The following DCLK1 variants were observed in gnomAD, a reference collection of about 807,000 sequenced individuals.
DCLK1 encodes the protein serine/threonine-protein kinase DCLK1.
DCLK1 carries 16 observed loss-of-function variants against 86.2 expected under a neutral mutation model. That is an observed-to-expected ratio of 0.19 (90% CI 0.13 to 0.28). DCLK1 has a LOEUF of 0.28. Among genes scored for constraint, DCLK1 ranks in the 10% least tolerant of loss-of-function variants. The pLI is 1.00. For missense variants in DCLK1, 590 were observed against 940.2 expected (o/e 0.63, Z 4.87); for synonymous variants, 369 against 370.5 (o/e 1.00, Z 0.05).
intron 4 of DCLK1, among the ~76,000 whole-genome samples, chr13:35,926,864 G>C (rs1336822092): frequency 6.6e-6 from 1 of 152,194 alleles, no homozygotes; most frequent in Non-Finnish European, 1.5e-5. Flanking sequence ...GAGTTGGTGG[G>C]ACCCATGACC....
rs1435091299 is a variant in DCLK1 at position 35,916,760 on chromosome 13, T to G, written c.823+30598A>C. Among the ~76,000 whole-genome samples the G allele has an allele frequency of 2.6e-5, 4 of 152,254 alleles. No homozygotes were observed. In the East Asian group the frequency reaches 5.8e-4, roughly 22 times the overall value. On this transcript the variant is annotated intron_variant, in intron 4 of 16. Transcript: ENST00000360631. The stretch of plus-strand genomic sequence containing the variant: ...GGTGAATATCTATCTATCCCTATCT[T>G]TAAAAAATGCTCATGGGATTGTGAC...
chr13:36,082,978 C>T (rs1435701997), intron 3 of DCLK1, among the ~76,000 whole-genome samples: 1 of 151,384 alleles, frequency 6.6e-6, no homozygotes, highest in African/African-American at 2.4e-5. Flanking sequence ...GGAATGGGCT[C>T]TGTCCACAAA....
chr13:36,118,122 C>T (rs140657110), intron 2 of DCLK1, among the ~76,000 whole-genome samples: 137 of 151,982 alleles, frequency 9.0e-4, no homozygotes, highest in African/African-American at 2.9e-3. Context: ...CATAGACAGA[C>T]GAGTTAGATA....
intron 3 of DCLK1, among the ~76,000 whole-genome samples, chr13:36,089,609 C>T (rs1884743971): frequency 1.3e-5 from 2 of 152,142 alleles, no homozygotes; most frequent in African/African-American, 4.8e-5. Flanking sequence ...CTGGCAAAAG[C>T]ATCTTCTTTT....
At chr13:35,789,577 A>C (rs1376986961) in intron 16 of DCLK1, among the ~76,000 whole-genome samples, 1 of 152,230 alleles carries the variant, frequency 6.6e-6, no homozygotes, top group African/African-American at 2.4e-5. Context: ...TGTCACAATT[A>C]TATGCATGCT....
intron 6 of DCLK1, chr13:35,848,968 C>G: frequency 7.1e-6 from 7 of 985,298 alleles, no homozygotes; most frequent in Non-Finnish European, 8.4e-6. Context: ...CTATTGGAAA[C>G]AGTTTTAAAA....
chr13:35,829,216 C>T (rs1485441886), intron 8 of DCLK1, among the ~76,000 whole-genome samples: 3 of 152,188 alleles, frequency 2.0e-5, no homozygotes, highest in South Asian at 2.1e-4. Flanking sequence ...TTAGTCGTAT[C>T]GCTACCTTTA....
chr13:35,959,111 C>T (rs957959840), intron 3 of DCLK1, among the ~76,000 whole-genome samples: 3 of 152,070 alleles, frequency 2.0e-5, no homozygotes, highest in African/African-American at 4.8e-5. Context: ...TTCTTAATGG[C>T]CTCTTAAAAA....
At chr13:36,070,937 G>A (rs1033827758) in intron 3 of DCLK1, among the ~76,000 whole-genome samples, 4 of 152,044 alleles carry the variant, frequency 2.6e-5, no homozygotes, top group Non-Finnish European at 5.9e-5. Context: ...GAGCCACCGC[G>A]CCCGGCCCCC....
In DCLK1 at chr13:35,837,403, G is replaced by A. The variant is rs1045159637; in HGVS notation, c.1121-1262C>T. Reference sequence around the variant, plus strand: ...CTCTTACCCTGCTAGAAGCCATCTAGGTGGTCTCTAGAATAAAGTGAGGGC... The same window carrying A: ...CTCTTACCCTGCTAGAAGCCATCTAAGTGGTCTCTAGAATAAAGTGAGGGC... On this transcript the variant is annotated intron_variant, in intron 7 of 16. Transcript: ENST00000360631. Among the ~76,000 whole-genome samples the A allele has an allele frequency of 5.9e-5, 9 of 152,200 alleles. No individual in the cohort carries two copies. In the South Asian group the frequency reaches 1.9e-3, roughly 32 times the overall value.
At chr13:36,030,623 A>G (rs918032559) in intron 3 of DCLK1, among the ~76,000 whole-genome samples, 3 of 151,738 alleles carry the variant, frequency 2.0e-5, no homozygotes, top group African/African-American at 7.3e-5. Flanking sequence ...TTTTTAACAC[A>G]CTGAGTCTGG....
intron 2 of DCLK1, among the ~76,000 whole-genome samples, chr13:36,116,247 G>T (rs1278227718): frequency 6.6e-6 from 1 of 152,090 alleles, no homozygotes; most frequent in Non-Finnish European, 1.5e-5. Context: ...ACCGCGACTG[G>T]CCTGTATTTT....
At chr13:36,120,721 A>G (rs184820170) in intron 2 of DCLK1, among the ~76,000 whole-genome samples, 2 of 152,326 alleles carry the variant, frequency 1.3e-5, no homozygotes, top group African/African-American at 4.8e-5. Context: ...ATGGAGAGGC[A>G]ATGCACAGAA....
intron 3 of DCLK1, among the ~76,000 whole-genome samples, chr13:36,042,381 T>G (rs1037091966): frequency 1.3e-5 from 2 of 152,192 alleles, no homozygotes; most frequent in Non-Finnish European, 2.9e-5. Context: ...GTTGAGAAAC[T>G]AGTGGCTAAA....
Position 35,769,457 on chromosome 13 carries a change from A to G in DCLK1, c.*5078T>C, listed in dbSNP as rs2086290592. The G allele has an allele frequency of 6.6e-6, 1 of 152,192 alleles. No individual in the cohort carries two copies. The highest frequency in any genetic ancestry group is 1.9e-4 in the East Asian group (1 of 5,196). 9.4% of individuals were successfully genotyped at this position (152,192 alleles called of 1,614,324 possible). A position where few individuals can be genotyped will look rare whatever the true frequency, so the allele number is the denominator to read the frequency against. On this transcript the variant is annotated 3_prime_UTR_variant, in exon 17 of 17. Coordinates refer to ENST00000360631, the MANE Select transcript of DCLK1 (RefSeq NM_001330071.2). ...GAAAAAGGCTAGTATTAATTTCCTAATAAAATTTTTTTTCAAAAGTTATCG... is the reference window on the plus strand; with the variant it reads ...GAAAAAGGCTAGTATTAATTTCCTAGTAAAATTTTTTTTCAAAAGTTATCG...
intron 3 of DCLK1, among the ~76,000 whole-genome samples, chr13:36,023,857 G>A (rs1388635642): frequency 6.6e-6 from 1 of 150,546 alleles, no homozygotes; most frequent in African/African-American, 2.4e-5. Flanking sequence ...CTAAGATTGG[G>A]AACACGATGA....
At chr13:35,836,792 G>A (rs890607412) in intron 7 of DCLK1, among the ~76,000 whole-genome samples, 3 of 152,146 alleles carry the variant, frequency 2.0e-5, no homozygotes, top group Admixed American at 6.5e-5. Flanking sequence ...AATTATGTTA[G>A]TGCCACTAAC....
intron 3 of DCLK1, among the ~76,000 whole-genome samples, chr13:35,962,799 T>C (rs768088727): frequency 6.6e-6 from 1 of 152,204 alleles, no homozygotes; most frequent in Non-Finnish European, 1.5e-5. Flanking sequence ...ATGGTCTTTA[T>C]TCATTTTACA....
chr13:35,894,092 G>A (rs73518641), intron 4 of DCLK1, among the ~76,000 whole-genome samples: 3,855 of 151,940 alleles, frequency 0.025, 144 homozygotes, highest in African/African-American at 0.088. Flanking sequence ...GGGTCCCATC[G>A]CTAAGATATC....
Sources: gnomAD v4.1 joint callset for allele counts (sites outside exome capture counted in the v4.1 genomes callset) on GRCh38, gnomAD v4.1.1 for gene constraint, MANE v1.5 for transcripts, NCBI Gene and HGNC (gene_info 2026-07-23, HGNC 2026-07-21) for gene names.